Variants in RYR3 observed in about 807,000 individuals in gnomAD.
RYR3 encodes the protein ryanodine receptor 3, also known as brain ryanodine receptor-calcium release channel.
Under a neutral mutation model 584.3 loss-of-function variants are expected in RYR3, and 207 were observed. The observed-to-expected ratio is 0.35, with a 90% confidence interval of 0.32 to 0.40. The LOEUF (loss-of-function observed/expected upper bound fraction) is 0.40, where lower values mean the gene tolerates loss of function less well. Ranked by LOEUF, RYR3 falls within the 10% of genes least tolerant of loss-of-function variation. The pLI, the probability that RYR3 is intolerant of heterozygous loss-of-function variation, is 1.00. For synonymous variants in RYR3, 2,416 were observed against 2,248.5 expected (o/e 1.07, Z -2.11); for missense variants, 5,616 against 6,089.2 (o/e 0.92, Z 2.59).
intron 16 of RYR3, among the ~76,000 whole-genome samples, chr15:33,598,789 C>G (rs1031758265): frequency 4.0e-5 from 6 of 151,832 alleles, no homozygotes; most frequent in Non-Finnish European, 8.8e-5. Context: ...TGCAGTGGCT[C>G]ACGCCTGTAA....
chr15:33,436,018 T>C (rs1336129593), intron 1 of RYR3, among the ~76,000 whole-genome samples: 3 of 152,186 alleles, frequency 2.0e-5, no homozygotes, highest in Admixed American at 6.5e-5. Flanking sequence ...TTCTGATTGG[T>C]CCATTTTACA....
intron 40 of RYR3, 26 bp downstream of exon 40, chr15:33,698,022 A>G: frequency 6.6e-7 from 1 of 1,515,156 alleles, no homozygotes; most frequent in Non-Finnish European, 9.2e-7. Flanking sequence ...GAACCTAGCC[A>G]GAACTTGTCC....
chr15:33,604,959 G>T (rs544516403), intron 18 of RYR3, among the ~76,000 whole-genome samples: 39 of 152,240 alleles, frequency 2.6e-4, no homozygotes, highest in Non-Finnish European at 4.9e-4. Context: ...TCACACTCCT[G>T]CTGACTGCTG....
At chr15:33,559,392 A>C (rs1161690927) in intron 10 of RYR3, among the ~76,000 whole-genome samples, 1 of 152,118 alleles carries the variant, frequency 6.6e-6, no homozygotes, top group Non-Finnish European at 1.5e-5. Context: ...AGTTTATTAT[A>C]CTCACAGGTC....
At position 33,543,833 on chromosome 15, in the gene RYR3, C is replaced by A. The variant is rs1851048075; in HGVS notation, c.740+118C>A. On this transcript the variant is annotated intron_variant, in intron 8 of 103. Transcript: ENST00000634891. ...CTGTACATGTCAGTCCATTGACAAACCTTCCTCCAGCCATGGGTTCCGGTT... is the reference window on the plus strand; with the variant it reads ...CTGTACATGTCAGTCCATTGACAAAACTTCCTCCAGCCATGGGTTCCGGTT... The A allele has an allele frequency of 8.0e-6, 6 of 751,626 alleles. No homozygotes were observed. The Middle Eastern group carries it at 9.6e-4, about 120-fold the overall frequency. 46.6% of individuals were successfully genotyped at this position (751,626 alleles called of 1,614,324 possible).
intron 1 of RYR3, among the ~76,000 whole-genome samples, chr15:33,321,734 A>G (rs1041232104): frequency 2.0e-5 from 3 of 152,212 alleles, no homozygotes; most frequent in African/African-American, 7.2e-5. Flanking sequence ...GATTTCTTCA[A>G]ATAATAGAGA....
At chr15:33,857,632 T>G in intron 98 of RYR3, 148 bp from the exon 99 acceptor site, 1 of 892,410 alleles carries the variant, frequency 1.1e-6, no homozygotes. Context: ...CATGGCCTGA[T>G]AGCTTTCTTA....
intron 1 of RYR3, among the ~76,000 whole-genome samples, chr15:33,322,155 C>T (rs1330012711): frequency 6.6e-6 from 1 of 152,110 alleles, no homozygotes; most frequent in Non-Finnish European, 1.5e-5. Context: ...TATGTTAGGC[C>T]ATTCTTGGGT....
At chr15:33,773,225 G>T (rs893744130) in intron 63 of RYR3, among the ~76,000 whole-genome samples, 2 of 152,202 alleles carry the variant, frequency 1.3e-5, no homozygotes, top group East Asian at 1.9e-4. Context: ...TATTGGAAAC[G>T]AACCAAATCG....
rs774397122 is a variant in RYR3 at position 33,812,847 on chromosome 15, A to G, written c.10258-16A>G. The stretch of plus-strand genomic sequence containing the variant: ...ACAGGAAATTCCTCATCTTATGAGT[A>G]TGCTTCAATTTTCAGTCTGATGACC... On this transcript the variant is annotated splice_polypyrimidine_tract_variant and intron_variant, in intron 72 of 103. Coordinates refer to ENST00000634891, the MANE Select transcript of RYR3 (RefSeq NM_001036.6). 3.4e-5 allele frequency: 55 copies of G among 1,613,106 alleles called. No homozygotes were observed. The highest frequency in any genetic ancestry group is 1.7e-6 in the Non-Finnish European group (2 of 1,179,394).
intron 1 of RYR3, among the ~76,000 whole-genome samples, chr15:33,323,442 A>G (rs955410334): frequency 6.6e-6 from 1 of 152,092 alleles, no homozygotes; most frequent in East Asian, 1.9e-4. Flanking sequence ...CCTACTCCCC[A>G]GTGGCTGAGG....
intron 1 of RYR3, among the ~76,000 whole-genome samples, chr15:33,338,240 C>T (rs754918608): frequency 9.2e-5 from 14 of 152,038 alleles, no homozygotes; most frequent in East Asian, 1.9e-4. Flanking sequence ...CCACCGCACC[C>T]GGCCCATTTT....
At chr15:33,677,582 T>TG (rs955318094) in intron 38 of RYR3, among the ~76,000 whole-genome samples, 1 of 152,156 alleles carries the variant, frequency 6.6e-6, no homozygotes, top group Non-Finnish European at 1.5e-5. Context: ...TGAAACCCCT[T>TG]GGGACTCTAG....
At chr15:33,363,125 G>A (rs1975002553) in intron 1 of RYR3, among the ~76,000 whole-genome samples, 3 of 152,202 alleles carry the variant, frequency 2.0e-5, no homozygotes, top group Non-Finnish European at 2.9e-5. Flanking sequence ...AACACTGCAA[G>A]GGTGCCATGT....
At chr15:33,535,849 A>C (rs535093483) in intron 5 of RYR3, among the ~76,000 whole-genome samples, 28 of 152,334 alleles carry the variant, frequency 1.8e-4, no homozygotes, top group African/African-American at 5.1e-4. Context: ...AGGCAAACAC[A>C]TAGAACTAAC....
intron 16 of RYR3, among the ~76,000 whole-genome samples, chr15:33,592,635 G>A (rs1205610193): frequency 6.6e-6 from 1 of 152,118 alleles, no homozygotes; most frequent in African/African-American, 2.4e-5. Context: ...ATGGAGTCTG[G>A]TGAATACTCA....
chr15:33,620,792 G>A (rs2060689342), intron 19 of RYR3, among the ~76,000 whole-genome samples: 1 of 152,186 alleles, frequency 6.6e-6, no homozygotes, highest in South Asian at 2.1e-4. Context: ...GAGGGGAGGA[G>A]CCACAGGTGG....
At chr15:33,556,741 A>C (rs1233581499) in intron 10 of RYR3, among the ~76,000 whole-genome samples, 1 of 151,966 alleles carries the variant, frequency 6.6e-6, no homozygotes, top group African/African-American at 2.4e-5. Context: ...TGCCCCTTTT[A>C]CTAGAAAGCC....
At chr15:33,484,131 A>G (rs1262418652) in intron 2 of RYR3, among the ~76,000 whole-genome samples, 1 of 152,128 alleles carries the variant, frequency 6.6e-6, no homozygotes, top group Non-Finnish European at 1.5e-5. Flanking sequence ...AACCTCATCA[A>G]TGAGTATTCA....
Sources: gnomAD v4.1 joint callset for allele counts (sites outside exome capture counted in the v4.1 genomes callset) on GRCh38, gnomAD v4.1.1 for gene constraint, MANE v1.5 for transcripts, NCBI Gene and HGNC (gene_info 2026-07-23, HGNC 2026-07-21) for gene names.